Variants in CAMK2A observed in about 807,000 individuals in gnomAD.
CAMK2A encodes the protein calcium/calmodulin dependent protein kinase II alpha, also known as calcium/calmodulin-dependent protein kinase type II subunit alpha.
A neutral mutation model predicts 79.2 loss-of-function variants in CAMK2A; 7 were observed. The observed-to-expected ratio is 0.09, with a 90% confidence interval of 0.05 to 0.17. The LOEUF is 0.17. CAMK2A is among the 10% of genes least tolerant of loss of function. The pLI, the probability that CAMK2A is intolerant of heterozygous loss-of-function variation, is 1.00. For synonymous variants in CAMK2A, 242 were observed against 251.7 expected (o/e 0.96, Z 0.36); for missense variants, 214 against 646.4 (o/e 0.33, Z 7.25).
At chr5:150,278,192 T>A (rs577637086) in intron 1 of CAMK2A, among the ~76,000 whole-genome samples, 2 of 152,034 alleles carry the variant, frequency 1.3e-5, no homozygotes, top group East Asian at 3.9e-4. Context: ...ACCAAGCACA[T>A]GAGACATAGT....
chr5:150,247,842 G>A (rs564110324), intron 11 of CAMK2A, 28 bp from the exon 12 acceptor site: 6 of 1,609,150 alleles, frequency 3.7e-6, no homozygotes, highest in South Asian at 1.1e-5. Context: ...AGGGCAGTGG[G>A]AGAGGAGGCC....
intron 15 of CAMK2A, among the ~76,000 whole-genome samples, chr5:150,232,675 T>C (rs900317690): frequency 6.6e-6 from 1 of 152,180 alleles, no homozygotes; most frequent in African/African-American, 2.4e-5. Flanking sequence ...GATTGCAAGC[T>C]CAGGCCTGGC....
In CAMK2A at chr5:150,226,921, A is replaced by G. The variant is rs151307218; in HGVS notation, c.1237+1271T>C. ...CGAGCAGCTGGGATTACAGGCACCC[A>G]CCACCATGGCCATCTAATTTTTGTA... On this transcript the variant is annotated intron_variant, in intron 17 of 18. Transcript: ENST00000671881. Among the ~76,000 whole-genome samples the G allele has an allele frequency of 7.6e-3, 1,144 of 151,026 alleles. 11 individuals carry two copies. The highest frequency in any genetic ancestry group is 0.026 in the African/African-American group (1,068 of 41,208).
In CAMK2A at chr5:150,223,309, A is replaced by T. The variant is rs1754434092; in HGVS notation, c.1238-92T>A. 1 of 1,034,360 alleles carries T rather than the reference A, an allele frequency of 9.7e-7. No homozygotes were observed. The highest frequency in any genetic ancestry group is 1.6e-5 in the African/African-American group (1 of 63,682). 64.1% of individuals were successfully genotyped at this position (1,034,360 alleles called of 1,614,324 possible). ...TTCTCCACTCCCAGCAGCCCTCTCA[A>T]TGGAGGCGCCCTGCCTGACTCATTT... On this transcript the variant is annotated intron_variant, in intron 17 of 18. Transcript: ENST00000671881. This position sits in a 1 kb window ranked among gnomAD's most constrained non-coding sequence, Gnocchi z 4.1.
intron 14 of CAMK2A, among the ~76,000 whole-genome samples, chr5:150,239,096 C>G (rs1580908121): frequency 1.3e-5 from 2 of 152,112 alleles, no homozygotes; most frequent in East Asian, 3.9e-4. Context: ...GGAACATACA[C>G]TGGCAGGGGA....
intron 3 of CAMK2A, among the ~76,000 whole-genome samples, chr5:150,263,653 T>A (rs1756391098): frequency 6.6e-6 from 1 of 151,840 alleles, no homozygotes; most frequent in Admixed American, 6.6e-5. Flanking sequence ...ACTCACACAC[T>A]CCACACACTC....
At chr5:150,240,294 C>T (rs1240211705) in intron 13 of CAMK2A, among the ~76,000 whole-genome samples, 1 of 152,208 alleles carries the variant, frequency 6.6e-6, no homozygotes, top group Admixed American at 6.5e-5. Flanking sequence ...GCGGCCTGAG[C>T]ATCTCCATTT....
At chr5:150,230,347 A>AG (rs1754789896) in intron 16 of CAMK2A, among the ~76,000 whole-genome samples, 1 of 151,964 alleles carries the variant, frequency 6.6e-6, no homozygotes, top group African/African-American at 2.4e-5. Flanking sequence ...AAAAGGGAAA[A>AG]AAAAAAGAAT....
intron 1 of CAMK2A, 74 bp from the exon 2 acceptor site, chr5:150,273,233 C>T (rs550081986): frequency 8.7e-5 from 96 of 1,098,656 alleles, no homozygotes; most frequent in Middle Eastern, 5.9e-4. Flanking sequence ...TTGGAGTTCA[C>T]ATCACTGCCC....
chr5:150,234,583 G>A (rs982676990), intron 15 of CAMK2A, among the ~76,000 whole-genome samples: 7 of 152,226 alleles, frequency 4.6e-5, no homozygotes, highest in Non-Finnish European at 1.0e-4. Flanking sequence ...AAGCACTTAT[G>A]TAAAGGATGC....
At chr5:150,240,364 T>C (rs552079989) in intron 13 of CAMK2A, among the ~76,000 whole-genome samples, 4 of 152,326 alleles carry the variant, frequency 2.6e-5, no homozygotes, top group Non-Finnish European at 5.9e-5. Flanking sequence ...GTCCTCTAAG[T>C]AGCCTTTGCA....
At position 150,223,264 on chromosome 5, in the gene CAMK2A, C is replaced by T. The variant is rs540735054; in HGVS notation, c.1238-47G>A. The T allele has an allele frequency of 5.5e-6, 8 of 1,461,958 alleles. No homozygotes were observed. The South Asian group carries it at 9.3e-5, about 17-fold the overall frequency. The allele number at this position is 1,461,958 out of a possible 1,614,324, so 90.6% of individuals were successfully genotyped here. A position where few individuals can be genotyped will look rare whatever the true frequency, so the allele number is the denominator to read the frequency against. ...GCAGAGGAGATGCAACCGGGGGCCT[C>T]CTGTCTCACTTTCTTCACTTTCTCC... is the stretch of plus-strand genomic sequence containing the variant. On this transcript the variant is annotated intron_variant, in intron 17 of 18. Transcript: ENST00000671881. This position sits in a 1 kb window ranked among gnomAD's most constrained non-coding sequence, Gnocchi z 4.1.
intron 1 of CAMK2A, 109 bp from the exon 2 acceptor site, chr5:150,273,268 A>G (rs902346840): frequency 2.5e-6 from 2 of 801,388 alleles, no homozygotes; most frequent in African/African-American, 1.7e-5. Context: ...GCCCTTCATC[A>G]GAGCTGCTCA....
intron 15 of CAMK2A, among the ~76,000 whole-genome samples, chr5:150,237,742 C>T (rs1274702508): frequency 6.6e-6 from 1 of 152,212 alleles, no homozygotes; most frequent in African/African-American, 2.4e-5. Context: ...GCTATAGTGA[C>T]ACTCCAGGAA....
chr5:150,264,449 G>A (rs917111802), intron 3 of CAMK2A, among the ~76,000 whole-genome samples: 18 of 152,250 alleles, frequency 1.2e-4, no homozygotes, highest in Admixed American at 1.0e-3. Context: ...ATCCCCACGG[G>A]TTCTGCTGCC....
intron 1 of CAMK2A, among the ~76,000 whole-genome samples, chr5:150,279,158 G>A (rs561989051): frequency 5.3e-5 from 8 of 152,318 alleles, no homozygotes; most frequent in African/African-American, 1.7e-4. Flanking sequence ...CACACCCTGA[G>A]CTGTCCACTG....
chr5:150,271,682 G>C (rs543786784), intron 2 of CAMK2A, among the ~76,000 whole-genome samples: 6 of 152,222 alleles, frequency 3.9e-5, no homozygotes, highest in Non-Finnish European at 7.3e-5. Flanking sequence ...CCCAAGGAAA[G>C]CTTATACACC....
At chr5:150,232,286 T>C (rs1229061129) in intron 15 of CAMK2A, among the ~76,000 whole-genome samples, 1 of 152,120 alleles carries the variant, frequency 6.6e-6, no homozygotes, top group East Asian at 1.9e-4. Flanking sequence ...TCTCCGAGGG[T>C]TGTTATGAGG....
At chr5:150,235,231 G>A (rs1396216772) in intron 15 of CAMK2A, among the ~76,000 whole-genome samples, 1 of 152,192 alleles carries the variant, frequency 6.6e-6, no homozygotes, top group African/African-American at 2.4e-5. Flanking sequence ...AGCCTAGTGG[G>A]CAGGAATCTC....
Sources: gnomAD v4.1 joint callset for allele counts (sites outside exome capture counted in the v4.1 genomes callset) on GRCh38, gnomAD v4.1.1 for gene constraint, Gnocchi (gnomAD v3.1) non-coding constraint, MANE v1.5 for transcripts, NCBI Gene and HGNC (gene_info 2026-07-23, HGNC 2026-07-21) for gene names.